Variants in TRDN observed in about 807,000 individuals in gnomAD.
TRDN encodes the protein triadin.
TRDN carries 161 observed loss-of-function variants against 149.7 expected under a neutral mutation model. The ratio of observed to expected loss-of-function variants is 1.08; its 90% CI spans 0.95 to 1.23. TRDN has a LOEUF of 1.23. TRDN is among the 50% of genes most tolerant of loss of function. TRDN has a pLI of 0.00. For missense variants in TRDN, 896 were observed against 823.5 expected (o/e 1.09, Z -1.08); for synonymous variants, 294 against 250.5 (o/e 1.17, Z -1.64).
intron 5 of TRDN, among the ~76,000 whole-genome samples, chr6:123,522,212 C>T (rs887610005): frequency 5.9e-5 from 9 of 152,146 alleles, no homozygotes; most frequent in Admixed American, 5.2e-4. Flanking sequence ...ACCTACTGTT[C>T]TGCCGCCTAC....
At chr6:123,333,084 G>A (rs928007626) in intron 22 of TRDN, among the ~76,000 whole-genome samples, 3 of 152,014 alleles carry the variant, frequency 2.0e-5, no homozygotes, top group African/African-American at 7.2e-5. Flanking sequence ...CAAGAGTCAT[G>A]AATTGAACAA....
At chr6:123,478,714 C>T (rs1272840574) in intron 9 of TRDN, among the ~76,000 whole-genome samples, 1 of 152,140 alleles carries the variant, frequency 6.6e-6, no homozygotes, top group East Asian at 1.9e-4. Flanking sequence ...GCCATGGAAT[C>T]ATCCAGTGAA....
chr6:123,517,080 T>C (rs1779446221), intron 5 of TRDN, among the ~76,000 whole-genome samples: 1 of 152,154 alleles, frequency 6.6e-6, no homozygotes, highest in Admixed American at 6.6e-5. Flanking sequence ...AGCTAATGAC[T>C]AGTGGATGCT....
At chr6:123,461,673 AGGGC>A (rs574586834) in intron 10 of TRDN, among the ~76,000 whole-genome samples, 242 of 152,328 alleles carry the variant, frequency 1.6e-3, no homozygotes, top group African/African-American at 5.2e-3. Flanking sequence ...AATCGGGAAG[AGGGC>A]GGGCAACATT....
At chr6:123,536,915 A>T (rs1780572909) in intron 4 of TRDN, among the ~76,000 whole-genome samples, 1 of 151,850 alleles carries the variant, frequency 6.6e-6, no homozygotes, top group Non-Finnish European at 1.5e-5. Flanking sequence ...GAGAAAACAG[A>T]AAAACAACTG....
chr6:123,475,179 A>C (rs1777407380), intron 9 of TRDN, among the ~76,000 whole-genome samples: 1 of 150,470 alleles, frequency 6.6e-6, no homozygotes, highest in Non-Finnish European at 1.5e-5. Context: ...ATAAAGAAAA[A>C]AAGAGAGAAG....
At chr6:123,457,348 A>G (rs549110160) in intron 10 of TRDN, among the ~76,000 whole-genome samples, 1 of 152,354 alleles carries the variant, frequency 6.6e-6, no homozygotes, top group African/African-American at 2.4e-5. Context: ...GTAGAGGGTA[A>G]GAAAAACAAA....
At chr6:123,481,689 G>A (rs1777757886) in intron 9 of TRDN, among the ~76,000 whole-genome samples, 1 of 152,012 alleles carries the variant, frequency 6.6e-6, no homozygotes, top group African/African-American at 2.4e-5. Flanking sequence ...TACTTTTATT[G>A]TCCTCATGTT....
At chr6:123,271,351 A>G (rs1267492121) in intron 29 of TRDN, among the ~76,000 whole-genome samples, 165 bp from the exon 30 acceptor site, 2 of 152,004 alleles carry the variant, frequency 1.3e-5, no homozygotes, top group African/African-American at 2.4e-5. Flanking sequence ...ATGAAAGCAC[A>G]AAGAAAATCT....
intron 1 of TRDN, among the ~76,000 whole-genome samples, chr6:123,579,233 A>G (rs1296745142): frequency 2.6e-5 from 4 of 152,152 alleles, no homozygotes; most frequent in East Asian, 1.9e-4. Context: ...TTCAAGGGAA[A>G]TGCTTCCAGA....
At chr6:123,461,834 A>G (rs1406017664) in intron 10 of TRDN, among the ~76,000 whole-genome samples, 1 of 152,198 alleles carries the variant, frequency 6.6e-6, no homozygotes, top group Non-Finnish European at 1.5e-5. Context: ...ATATTATAAG[A>G]TACTATTTGA....
chr6:123,262,974 T>C (rs1336630557), intron 33 of TRDN, among the ~76,000 whole-genome samples: 1 of 152,006 alleles, frequency 6.6e-6, no homozygotes, highest in Non-Finnish European at 1.5e-5. Context: ...AATGGCCTCT[T>C]AGTATTCACA....
chr6:123,328,050 A>G (rs1264124622), intron 23 of TRDN, among the ~76,000 whole-genome samples: 1 of 152,178 alleles, frequency 6.6e-6, no homozygotes, highest in Admixed American at 6.5e-5. Flanking sequence ...CCTAGTCTAA[A>G]TCACTCCATA....
Position 123,316,472 on chromosome 6 carries a change from T to G in TRDN, c.1495A>C (p.Lys499Gln), listed in dbSNP as rs1189820648. 9.3e-6 allele frequency: 15 copies of G among 1,610,468 alleles called. No individual in the cohort carries two copies. The highest frequency in any genetic ancestry group is 1.3e-5 in the Non-Finnish European group (15 of 1,177,708). ...ATATCCTTACCTGCTTTGGACATCT[T>G]TTCATCTTTTTTAGTTTCAGGTTCT... ...EKEPETKKDE[K>Q]MSKAGKEVKP... The change falls in exon 24 of 41, where the codon AAG (lysine) becomes CAG (glutamine). Residue 499 changes from lysine to glutamine, a missense_variant. By Grantham distance (53) the Lys-to-Gln change is moderately conservative (BLOSUM62 1). Coordinates refer to ENST00000334268, the MANE Select transcript of TRDN (RefSeq NM_006073.4).
intron 9 of TRDN, among the ~76,000 whole-genome samples, chr6:123,478,577 G>A (rs1438115547): frequency 2.0e-5 from 3 of 152,102 alleles, no homozygotes; most frequent in African/African-American, 4.8e-5. Context: ...TACGAATTGC[G>A]TTTTTATTTT....
intron 20 of TRDN, among the ~76,000 whole-genome samples, chr6:123,363,007 TTAAGA>T (rs535507990): frequency 2.0e-5 from 3 of 152,120 alleles, no homozygotes; most frequent in Non-Finnish European, 2.9e-5. Context: ...AAAAGTAGGC[TTAAGA>T]TAAGACAATT....
intron 22 of TRDN, among the ~76,000 whole-genome samples, chr6:123,335,729 A>C (rs1168717008): frequency 6.6e-6 from 1 of 152,176 alleles, no homozygotes; most frequent in Non-Finnish European, 1.5e-5. Flanking sequence ...CTGCTTTCAT[A>C]GTGAACAATA....
chr6:123,571,059 CA>C lies in TRDN; in HGVS notation c.95del (p.Leu32ArgfsTer9). The C allele has an allele frequency of 6.2e-7, 1 of 1,613,968 alleles. No individual in the cohort carries two copies. The highest frequency in any genetic ancestry group is 8.5e-7 in the Non-Finnish European group (1 of 1,179,874). On this transcript the variant is annotated frameshift_variant, in exon 2 of 41. Transcript: ENST00000334268. LOFTEE classifies it high-confidence loss of function. ...GSVPKSPGKV[L>X]KRTVTEDIVT... ...CTATGTCTTCTGTGACTGTCCTCTT[CA>C]GCACTTTTCCGGGGGATTTGGGCAC... is the stretch of plus-strand genomic sequence containing the variant.
At chr6:123,574,115 A>C (rs1243412333) in intron 1 of TRDN, among the ~76,000 whole-genome samples, 1 of 151,978 alleles carries the variant, frequency 6.6e-6, no homozygotes, top group Non-Finnish European at 1.5e-5. Context: ...TTTTTAGATA[A>C]CAGTGATAAA....
Sources: gnomAD v4.1 joint callset for allele counts (sites outside exome capture counted in the v4.1 genomes callset) on GRCh38, gnomAD v4.1.1 for gene constraint, MANE v1.5 for transcripts, NCBI Gene and HGNC (gene_info 2026-07-23, HGNC 2026-07-21) for gene names.